FYB2: variants seen among roughly 807,000 people sequenced by gnomAD.
FYB2 encodes the protein FYN binding protein 2, also known as FYN-binding protein 2.
A neutral mutation model predicts 94.1 loss-of-function variants in FYB2; 103 were observed. That is an observed-to-expected ratio of 1.09 (90% CI 0.93 to 1.29). FYB2 has a LOEUF of 1.29. Among genes scored for constraint, FYB2 ranks in the 50% most tolerant of loss-of-function variants. The pLI is 0.00. For missense variants in FYB2, 896 were observed against 841.5 expected, an observed-to-expected ratio of 1.06 and a Z score of -0.80; for synonymous variants, 293 against 287.9, an observed-to-expected ratio of 1.02 and a Z score of -0.18.
At chr1:56,788,839 C>T (rs1282824547) in intron 3 of FYB2, 134 bp downstream of exon 3, 2 of 1,292,290 alleles carry the variant, frequency 1.5e-6, no homozygotes, top group Non-Finnish European at 1.1e-6. Context: ...CTGCCACAGC[C>T]TCTAGATGAG....
At chr1:56,825,611 T>C in the FYB2 span, among the ~76,000 whole-genome samples, 1 of 152,186 alleles carries the variant, frequency 6.6e-6, no homozygotes, top group Non-Finnish European at 1.5e-5. Flanking sequence ...CTGAATCATA[T>C]GAGTACTCAT....
chr1:56,736,976 T>G, intron 15 of FYB2, 111 bp downstream of exon 15: 1 of 847,198 alleles, frequency 1.2e-6, no homozygotes, highest in East Asian at 2.8e-5. Context: ...TAAGTTGACT[T>G]TTCATTCAAT....
intron 11 of FYB2, among the ~76,000 whole-genome samples, chr1:56,742,620 C>T (rs576110186): frequency 6.6e-6 from 1 of 152,208 alleles, no homozygotes; most frequent in Admixed American, 6.5e-5. Flanking sequence ...TGAATAATCT[C>T]TCCCTTCACA....
chr1:56,763,309 G>A (rs938655564), intron 5 of FYB2, among the ~76,000 whole-genome samples: 1 of 152,066 alleles, frequency 6.6e-6, no homozygotes, highest in African/African-American at 2.4e-5. Flanking sequence ...TCCATTTTTG[G>A]GAAAGATTGT....
chr1:56,759,268 C>G (rs1645430422), intron 5 of FYB2, among the ~76,000 whole-genome samples: 1 of 152,080 alleles, frequency 6.6e-6, no homozygotes, highest in African/African-American at 2.4e-5. Flanking sequence ...GACATGATGC[C>G]AATCTTAATT....
At chr1:56,736,760 G>A (rs1055656264) in intron 15 of FYB2, among the ~76,000 whole-genome samples, 40 of 152,140 alleles carry the variant, frequency 2.6e-4, no homozygotes, top group East Asian at 9.7e-4. Context: ...GAATACAGAC[G>A]TTCTGTCACA....
At position 56,779,283 on chromosome 1, in the gene FYB2, AT is replaced by A. The variant is rs367571313; in HGVS notation, c.953+7891del. Among the ~76,000 whole-genome samples, 98 of 152,330 alleles carry A rather than the reference AT, an allele frequency of 6.4e-4. 1 individual carries two copies. In the South Asian group the frequency reaches 0.02, roughly 32 times the overall value. ...TGCTAAGAGCTCAATGATTAGTTTA[AT>A]TAAATATTTAATTCAAAAACTAATG... On this transcript the variant is annotated intron_variant, in intron 4 of 19. Transcript: ENST00000343433.
chr1:56,784,656 C>T (rs980612034), intron 4 of FYB2, among the ~76,000 whole-genome samples: 3 of 152,126 alleles, frequency 2.0e-5, no homozygotes, highest in African/African-American at 7.2e-5. Flanking sequence ...ATTTCCTTCT[C>T]TTTAGAGTCT....
intron 4 of FYB2, among the ~76,000 whole-genome samples, chr1:56,775,251 C>A (rs1645849023): frequency 6.6e-6 from 1 of 152,188 alleles, no homozygotes; most frequent in African/African-American, 2.4e-5. Context: ...GAGCTTCTCT[C>A]AGCCCTGGGC....
chr1:56,770,622 T>A (rs1205140934), intron 4 of FYB2, among the ~76,000 whole-genome samples: 1 of 152,178 alleles, frequency 6.6e-6, no homozygotes, highest in Non-Finnish European at 1.5e-5. Context: ...AAATCTATTA[T>A]TGTAATTAAT....
chr1:56,756,073 G>T (rs1040479458), intron 6 of FYB2, 146 bp from the exon 7 acceptor site: 5 of 651,396 alleles, frequency 7.7e-6, no homozygotes, highest in African/African-American at 7.4e-5. Flanking sequence ...ACCACAGAAA[G>T]TTCCAGGAAC....
rs182873600 is a variant in FYB2 at position 56,720,353 on chromosome 1, G to T, written c.1975-24C>A. The T allele has an allele frequency of 9.6e-6, 15 of 1,570,410 alleles. No individual in the cohort carries two copies. In the Admixed American group the frequency reaches 2.9e-4, roughly 31 times the overall value. On this transcript the variant is annotated intron_variant, in intron 17 of 19. Transcript: ENST00000343433. The stretch of plus-strand genomic sequence containing the variant: ...TACTGAAATGAGAAATTACTAATCA[G>T]ACCATTCTTGCATAGTTGTTATTTT...
intron 15 of FYB2, among the ~76,000 whole-genome samples, chr1:56,728,627 A>G (rs960886467): frequency 6.6e-6 from 1 of 152,160 alleles, no homozygotes; most frequent in Non-Finnish European, 1.5e-5. Flanking sequence ...TAGCCAGGCA[A>G]AAAACATGGC....
At chr1:56,788,064 A>T (rs1646172421) in intron 3 of FYB2, among the ~76,000 whole-genome samples, 1 of 152,204 alleles carries the variant, frequency 6.6e-6, no homozygotes, top group African/African-American at 2.4e-5. Context: ...GTTAAAAGGC[A>T]AATTATCAAG....
At chr1:56,767,015 G>A (rs750328591) in intron 5 of FYB2, among the ~76,000 whole-genome samples, 22 of 152,076 alleles carry the variant, frequency 1.4e-4, no homozygotes, top group Admixed American at 2.6e-4. Flanking sequence ...TTATGGCCTC[G>A]TGCAACTCAA....
chr1:56,730,857 T>G (rs1221306051), intron 15 of FYB2, among the ~76,000 whole-genome samples: 1 of 152,078 alleles, frequency 6.6e-6, no homozygotes. Context: ...TCGATATCCC[T>G]GATGAACATA....
At chr1:56,818,678 C>T (rs1018010004) in intron 1 of FYB2, among the ~76,000 whole-genome samples, 6 of 152,168 alleles carry the variant, frequency 3.9e-5, no homozygotes, top group Admixed American at 3.9e-4. Flanking sequence ...CTTTTCCATA[C>T]ATCTCTATTT....
chr1:56,740,680 T>C lies in FYB2; in HGVS notation c.1703+17A>G. 1 of 1,499,022 alleles carries C rather than the reference T, an allele frequency of 6.7e-7. No individual in the cohort carries two copies. Among genetic ancestry groups the C allele is most frequent in the Non-Finnish European group, 9.2e-7 (1 of 1,084,356 alleles). The allele number at this position is 1,499,022 out of a possible 1,614,324, so 92.9% of individuals were successfully genotyped here. ...GGTTAATCCCCTCGTGGAAAGGGATTTAAAGGGACTTTTTACCTTAAGTTT... is the reference window on the plus strand; with the variant it reads ...GGTTAATCCCCTCGTGGAAAGGGATCTAAAGGGACTTTTTACCTTAAGTTT... On this transcript the variant is annotated intron_variant, in intron 13 of 19. Coordinates refer to ENST00000343433, the MANE Select transcript of FYB2 (RefSeq NM_001004303.5).
intron 4 of FYB2, among the ~76,000 whole-genome samples, chr1:56,769,813 T>C (rs1645713068): frequency 6.6e-6 from 1 of 152,134 alleles, no homozygotes; most frequent in Non-Finnish European, 1.5e-5. Flanking sequence ...TAAATCTTAA[T>C]TGGGAAAATT....
Sources: allele counts gnomAD v4.1 joint callset (sites outside exome capture counted in the v4.1 genomes callset), GRCh38; gene constraint gnomAD v4.1.1; transcripts MANE v1.5; gene names NCBI Gene and HGNC (gene_info 2026-07-23, HGNC 2026-07-21).